Variants in ZNF454 observed in about 807,000 individuals in gnomAD.
ZNF454 encodes the protein zinc finger protein 454.
ZNF454 carries 30 observed loss-of-function variants against 48.2 expected under a neutral mutation model. That is an observed-to-expected ratio of 0.62 (90% CI 0.47 to 0.84). The LOEUF (loss-of-function observed/expected upper bound fraction) is 0.84. Among genes scored for constraint, ZNF454 ranks in the 40% least tolerant of loss-of-function variants. The pLI is 0.00. For synonymous variants in ZNF454, 204 were observed against 211.4 expected (o/e 0.97, Z 0.30); for missense variants, 510 against 623.1 (o/e 0.82, Z 1.93).
the ZNF454 span, chr5:178,985,554 T>A: frequency 3.0e-6 from 1 of 336,302 alleles, no homozygotes; most frequent in East Asian, 8.3e-5. Context: ...ATACAAAAAA[T>A]TAGCCGGGCG....
chr5:178,956,724 G>C (rs1759772998), intron 4 of ZNF454, among the ~76,000 whole-genome samples: 1 of 147,426 alleles, frequency 6.8e-6, no homozygotes. Flanking sequence ...TATTTATTTT[G>C]AGACGGAGTC....
At chr5:178,954,087 C>G (rs1759656757) in intron 4 of ZNF454, among the ~76,000 whole-genome samples, 1 of 152,036 alleles carries the variant, frequency 6.6e-6, no homozygotes, top group South Asian at 2.1e-4. Context: ...GGCAAAACCC[C>G]ATCTCTATAA....
In ZNF454 at chr5:178,941,620, G is replaced by C. The variant is rs777346429; in HGVS notation, c.-108+176G>C. Reference sequence around the variant, plus strand: ...CTCAGGTGATAGATACACGCCTGGCGTGGTTCCGAGTCCTGCGCCAGGAAC... The same window carrying C: ...CTCAGGTGATAGATACACGCCTGGCCTGGTTCCGAGTCCTGCGCCAGGAAC... On this transcript the variant is annotated intron_variant, in intron 1 of 4. Coordinates refer to ENST00000519564, the MANE Select transcript of ZNF454 (RefSeq NM_001178089.3). The surrounding 1 kb of genome is among the most constrained non-coding windows in gnomAD (Gnocchi z 5.5). Among the ~76,000 whole-genome samples the C allele has an allele frequency of 6.6e-6, 1 of 152,130 alleles. No homozygotes were observed.
In ZNF454 at chr5:178,966,249, A is replaced by T; in HGVS notation, c.*276A>T. On this transcript the variant is annotated 3_prime_UTR_variant, in exon 5 of 5. Transcript: ENST00000519564. ...GGAGATCGAGACCATCCTGGCTAAC[A>T]GGGTGAAACCCCATCGCTACTAAAA... is the stretch of plus-strand genomic sequence containing the variant. The T allele has an allele frequency of 7.5e-6, 2 of 265,988 alleles. No homozygotes were observed. Among genetic ancestry groups the T allele is most frequent in the Admixed American group, 4.7e-5 (1 of 21,140 alleles). 16.5% of individuals were successfully genotyped at this position (265,988 alleles called of 1,614,324 possible).
chr5:178,984,468 A>G, the ZNF454 span, among the ~76,000 whole-genome samples: 1 of 152,260 alleles, frequency 6.6e-6, no homozygotes, highest in Middle Eastern at 3.4e-3. Context: ...TCATGGCAAA[A>G]CACCTAGGCC....
the ZNF454 span, chr5:178,989,378 G>A: frequency 1.9e-6 from 3 of 1,613,976 alleles, no homozygotes; most frequent in Non-Finnish European, 2.5e-6. Flanking sequence ...GTTCTCCAGG[G>A]ATCGAGTCAT....
chr5:178,957,885 T>C (rs1049899042), intron 4 of ZNF454, among the ~76,000 whole-genome samples: 1 of 152,206 alleles, frequency 6.6e-6, no homozygotes, highest in Non-Finnish European at 1.5e-5. Context: ...AGTGTTATCA[T>C]GTAATATAAA....
intron 4 of ZNF454, among the ~76,000 whole-genome samples, chr5:178,954,597 A>G (rs1455038989): frequency 6.6e-6 from 1 of 152,234 alleles, no homozygotes; most frequent in Non-Finnish European, 1.5e-5. Context: ...AAATTCACCA[A>G]TTTGAAGTGT....
At chr5:178,952,089 G>A (rs1386244967) in intron 4 of ZNF454, among the ~76,000 whole-genome samples, 1 of 150,850 alleles carries the variant, frequency 6.6e-6, no homozygotes, top group Non-Finnish European at 1.5e-5. Context: ...CCAGGCGGGA[G>A]TGCTGTGGCG....
intron 4 of ZNF454, among the ~76,000 whole-genome samples, chr5:178,951,387 CCT>C (rs1759552727): frequency 6.6e-6 from 1 of 152,188 alleles, no homozygotes. Context: ...GTCCACTGTG[CCT>C]CTCTTTGTGT....
At chr5:178,989,783 C>T in the ZNF454 span, 8 of 351,644 alleles carry the variant, frequency 2.3e-5, no homozygotes, top group East Asian at 3.6e-4. Flanking sequence ...GGAGCCTCAG[C>T]AGCCATCTTG....
chr5:178,982,943 G>T, the ZNF454 span: 1 of 1,614,076 alleles, frequency 6.2e-7, no homozygotes. Flanking sequence ...CAAAGAAGAT[G>T]GGCACGAATG....
At chr5:178,988,752 G>T in the ZNF454 span, among the ~76,000 whole-genome samples, 23 of 152,120 alleles carry the variant, frequency 1.5e-4, no homozygotes, top group Admixed American at 5.2e-4. The surrounding 1 kb of genome is among the most constrained non-coding windows in gnomAD (Gnocchi z 6.0). Flanking sequence ...GCCTGGGGAG[G>T]GAGCAGTGTT....
intron 4 of ZNF454, among the ~76,000 whole-genome samples, chr5:178,962,830 G>A (rs765407706): frequency 4.6e-5 from 7 of 151,748 alleles, no homozygotes; most frequent in Non-Finnish European, 1.0e-4. Flanking sequence ...TTCCCTGGTA[G>A]CAGCTAGAGT....
the ZNF454 span, among the ~76,000 whole-genome samples, chr5:178,975,527 G>A: frequency 6.6e-6 from 1 of 152,224 alleles, no homozygotes; most frequent in Non-Finnish European, 1.5e-5. Context: ...TACAAAAGAT[G>A]TTGCTAAAAC....
At chr5:178,958,924 G>A (rs976448927) in intron 4 of ZNF454, among the ~76,000 whole-genome samples, 8 of 151,960 alleles carry the variant, frequency 5.3e-5, no homozygotes, top group African/African-American at 1.7e-4. Flanking sequence ...GCAGAATCTT[G>A]TCATATATAT....
At chr5:178,971,789 G>A in the ZNF454 span, among the ~76,000 whole-genome samples, 17 of 149,806 alleles carry the variant, frequency 1.1e-4, no homozygotes, top group African/African-American at 4.2e-4. Flanking sequence ...CCGGGAGGTG[G>A]AGCTTGCAGT....
chr5:178,983,441 C>T, the ZNF454 span: 1 of 697,246 alleles, frequency 1.4e-6, no homozygotes. Flanking sequence ...GGCCCGTGAC[C>T]TGGCAGCTGC....
intron 4 of ZNF454, among the ~76,000 whole-genome samples, chr5:178,963,342 A>G (rs1433284115): frequency 1.3e-5 from 2 of 151,776 alleles, no homozygotes; most frequent in Non-Finnish European, 2.9e-5. Flanking sequence ...TTTAACTTTG[A>G]CCATTCTTTG....
Sources: gnomAD v4.1 joint callset for allele counts (sites outside exome capture counted in the v4.1 genomes callset) on GRCh38, gnomAD v4.1.1 for gene constraint, Gnocchi (gnomAD v3.1) non-coding constraint, MANE v1.5 for transcripts, NCBI Gene and HGNC (gene_info 2026-07-23, HGNC 2026-07-21) for gene names.